The following SNX2 variants were observed in gnomAD, a reference collection of about 807,000 sequenced individuals.
SNX2 encodes the protein sorting nexin-2.
In SNX2, 25 loss-of-function variants were observed where a neutral mutation model predicts 69.9. The observed-to-expected ratio is 0.36, with a 90% CI of 0.26 to 0.50. The LOEUF is 0.50. Ranked by LOEUF, SNX2 falls within the 20% of genes least tolerant of loss-of-function variation. The probability of loss-of-function intolerance (pLI) is 0.97; values close to 1 mark genes in which losing one functional copy is unlikely to be tolerated. For synonymous variants in SNX2, 229 were observed against 200.4 expected (o/e 1.14, Z -1.20); for missense variants, 551 against 613.3 (o/e 0.90, Z 1.07).
chr5:122,793,481 C>G (rs1753291508), intron 1 of SNX2, among the ~76,000 whole-genome samples: 1 of 152,136 alleles, frequency 6.6e-6, no homozygotes, highest in African/African-American at 2.4e-5. Context: ...AGTGGAACTT[C>G]TAGGTTTGAT....
chr5:122,802,007 A>T, intron 4 of SNX2, 72 bp downstream of exon 4: 1 of 1,515,682 alleles, frequency 6.6e-7, no homozygotes, highest in Non-Finnish European at 9.1e-7. Flanking sequence ...TTTTCTTCAT[A>T]CATCAATATA....
rs759124364 is a variant in SNX2, at chr5:122,803,481, T to C, written c.511T>C (p.Ser171Pro). Residue 171 changes from serine (S) to proline (P), a missense_variant, in exon 6 of 15, where the codon TCC becomes CCC. This residue lies in a region of SNX2 where 360 missense variants were observed against 450.4 expected (regional missense o/e 0.80). Transcript: ENST00000379516. ...AYRVTTKTSLSMFSKSEFSVK... is the reference protein window; with the variant it reads ...AYRVTTKTSLPMFSKSEFSVK... ...TCTTCTTCACTTGTAGACATCTCTT[T>C]CCATGTTCAGTAAGAGTGAATTTTC... 6.2e-7 allele frequency: 1 copy of C among 1,608,882 alleles called. No individual in the cohort carries two copies. Among genetic ancestry groups the C allele is most frequent in the East Asian group, 2.2e-5 (1 of 44,768 alleles).
chr5:122,808,657 G>A (rs1753704267), intron 7 of SNX2: 1 of 178,702 alleles, frequency 5.6e-6, no homozygotes, highest in Non-Finnish European at 1.2e-5. Context: ...GAGTTAGCTG[G>A]GGATAGAATT....
At chr5:122,785,871 G>A (rs1272902056) in intron 1 of SNX2, among the ~76,000 whole-genome samples, 2 of 152,156 alleles carry the variant, frequency 1.3e-5, no homozygotes, top group Non-Finnish European at 2.9e-5. Flanking sequence ...TGGGTGGAGT[G>A]TCGTACAAAT....
intron 1 of SNX2, among the ~76,000 whole-genome samples, chr5:122,784,609 A>T (rs2150001115): frequency 6.6e-6 from 1 of 152,056 alleles, no homozygotes; most frequent in African/African-American, 2.4e-5. Flanking sequence ...ACACAATCAT[A>T]ATGTATTTAT....
rs1051801994 is a variant in SNX2, at chr5:122,827,236, A to G, written c.1357-143A>G. The G allele has an allele frequency of 1.1e-5, 7 of 643,556 alleles. No homozygotes were observed. The East Asian group carries it at 1.1e-4, about 10-fold the overall frequency. The allele number at this position is 643,556 out of a possible 1,614,324, so 39.9% of individuals were successfully genotyped here. A position where few individuals can be genotyped will look rare whatever the true frequency, so the allele number is the denominator to read the frequency against. On this transcript the variant is annotated intron_variant, in intron 12 of 14. Transcript: ENST00000379516. The stretch of plus-strand genomic sequence containing the variant: ...TTCTATTGGTTGACAGTTAAATGCA[A>G]TTTCTGTTGATGCTAAATTGTGCAT...
intron 7 of SNX2, among the ~76,000 whole-genome samples, chr5:122,814,463 C>T (rs1017443112): frequency 9.2e-5 from 14 of 152,004 alleles, no homozygotes; most frequent in African/African-American, 2.4e-4. Context: ...TGACTTAAAA[C>T]GAAGTTTAGT....
chr5:122,780,122 T>C (rs1159359540), intron 1 of SNX2, among the ~76,000 whole-genome samples: 2 of 152,194 alleles, frequency 1.3e-5, no homozygotes, highest in East Asian at 1.9e-4. Flanking sequence ...TCAGTGAAGA[T>C]AGCATTAGGC....
At position 122,827,375 on chromosome 5, in the gene SNX2, T is replaced by C. The variant is rs751432317; in HGVS notation, c.1357-4T>C. The C allele has an allele frequency of 6.2e-7, 1 of 1,611,428 alleles. No individual in the cohort carries two copies. The highest frequency in any genetic ancestry group is 8.5e-7 in the Non-Finnish European group (1 of 1,177,908). On this transcript the variant is annotated splice_region_variant and splice_polypyrimidine_tract_variant and intron_variant, in intron 12 of 14. Transcript: ENST00000379516. ...AGCATAAAATATTTCTTTGTTTTTATTAGTGGGAGGCGAAAGTGCAACAAG... is the reference window on the plus strand; with the variant it reads ...AGCATAAAATATTTCTTTGTTTTTACTAGTGGGAGGCGAAAGTGCAACAAG...
rs887252483 is a variant in SNX2, at chr5:122,833,013, T to G, written c.*3365T>G. ...CTGGCTCAGGGACTTTGGAGGCATT[T>G]TCATATCATATTCACTAGTCAAGAA... On this transcript the variant is annotated 3_prime_UTR_variant, in exon 15 of 15. Coordinates refer to ENST00000379516, the MANE Select transcript of SNX2 (RefSeq NM_003100.4). 1.3e-5 allele frequency: 2 copies of G among 152,206 alleles called. No individual in the cohort carries two copies. Among genetic ancestry groups the G allele is most frequent in the African/African-American group, 4.8e-5 (2 of 41,446 alleles). 9.4% of individuals were successfully genotyped at this position (152,206 alleles called of 1,614,324 possible). A position where few individuals can be genotyped will look rare whatever the true frequency, so the allele number is the denominator to read the frequency against.
intron 7 of SNX2, among the ~76,000 whole-genome samples, chr5:122,812,730 T>C (rs1187116311): frequency 1.3e-5 from 2 of 152,214 alleles, no homozygotes; most frequent in Non-Finnish European, 2.9e-5. Flanking sequence ...TCCCTTTTGC[T>C]CACTGATGTG....
At chr5:122,817,224 T>G (rs1382183220) in intron 9 of SNX2, 56 bp from the exon 10 acceptor site, 1 of 1,521,224 alleles carries the variant, frequency 6.6e-7, no homozygotes, top group Non-Finnish European at 9.1e-7. Context: ...ATTGGTAACC[T>G]AATTTACAAT....
chr5:122,792,843 G>A (rs1184031764), intron 1 of SNX2, among the ~76,000 whole-genome samples: 1 of 152,056 alleles, frequency 6.6e-6, no homozygotes, highest in African/African-American at 2.4e-5. Flanking sequence ...TTCACAAAAG[G>A]ATATCTAAAT....
In SNX2 at chr5:122,830,839, T is replaced by C. The variant is rs868116694; in HGVS notation, c.*1191T>C. 6.6e-6 allele frequency among the ~76,000 whole-genome samples: 1 copy of C among 151,828 alleles called. No homozygotes were observed. The highest frequency in any genetic ancestry group is 2.4e-5 in the African/African-American group (1 of 41,328). On this transcript the variant is annotated 3_prime_UTR_variant, in exon 15 of 15. Transcript: ENST00000379516. The stretch of plus-strand genomic sequence containing the variant: ...GCCTGGCCAACATGGTAAAACTCCA[T>C]CTCTACTAAAAATACAAAAATTCGC...
At position 122,832,016 on chromosome 5, in the gene SNX2, TCTC is replaced by T. The variant is rs1754302080; in HGVS notation, c.*2371_*2373del. ...AACACTTCACCCATCAATCTTCACTTCTCCTGTTCAGATAAAAATGCTTTCATC... is the reference window on the plus strand; with the variant it reads ...AACACTTCACCCATCAATCTTCACTTCTGTTCAGATAAAAATGCTTTCATC... On this transcript the variant is annotated 3_prime_UTR_variant, in exon 15 of 15. Coordinates refer to ENST00000379516, the MANE Select transcript of SNX2 (RefSeq NM_003100.4). Among the ~76,000 whole-genome samples, 1 of 152,158 alleles carries T rather than the reference TCTC, an allele frequency of 6.6e-6. No homozygotes were observed.
In SNX2 at chr5:122,833,954, TGTA is replaced by T. The variant is rs1581653681; in HGVS notation, c.*4310_*4312del. ...TGTTCAATATCTACAATAAATGAATTGTAGTACTATATTGCTTGAAGGAAGTTT... is the reference window on the plus strand; with the variant it reads ...TGTTCAATATCTACAATAAATGAATTGTACTATATTGCTTGAAGGAAGTTT... On this transcript the variant is annotated 3_prime_UTR_variant, in exon 15 of 15. Coordinates refer to ENST00000379516, the MANE Select transcript of SNX2 (RefSeq NM_003100.4). The T allele has an allele frequency of 1.3e-5, 2 of 152,320 alleles. No individual in the cohort carries two copies. Among genetic ancestry groups the T allele is most frequent in the East Asian group, 1.9e-4 (1 of 5,196 alleles). 9.4% of individuals were successfully genotyped at this position (152,320 alleles called of 1,614,324 possible). A position where few individuals can be genotyped will look rare whatever the true frequency, so the allele number is the denominator to read the frequency against.
chr5:122,802,425 C>T (rs1396576290), intron 5 of SNX2, among the ~76,000 whole-genome samples: 5 of 152,138 alleles, frequency 3.3e-5, no homozygotes, highest in Non-Finnish European at 7.4e-5. Context: ...TTTGCTTGTG[C>T]AAAAGCCAAA....
At chr5:122,776,052 T>C (rs115761609) in intron 1 of SNX2, among the ~76,000 whole-genome samples, 1,552 of 152,304 alleles carry the variant, frequency 0.01, 37 homozygotes, top group African/African-American at 0.035. Flanking sequence ...TCCATTTGAA[T>C]TGCTTTGCGT....
chr5:122,778,556 T>C lies in SNX2; in HGVS notation c.108+3345T>C, dbSNP rs369921249. On this transcript the variant is annotated intron_variant, in intron 1 of 14. Transcript: ENST00000379516. The stretch of plus-strand genomic sequence containing the variant: ...CAGAGTCTCGCTCTGTCACCCAGGG[T>C]GGAGTGCAGTGGTTTGATCTTGGCT... Among the ~76,000 whole-genome samples, 10 of 152,258 alleles carry C rather than the reference T, an allele frequency of 6.6e-5. No homozygotes were observed. In the East Asian group the frequency reaches 1.4e-3, roughly 21 times the overall value.
Sources: allele counts gnomAD v4.1 joint callset (sites outside exome capture counted in the v4.1 genomes callset), GRCh38; gene constraint gnomAD v4.1.1; regional missense constraint gnomAD v4.1.1; transcripts MANE v1.5; gene names NCBI Gene and HGNC (gene_info 2026-07-23, HGNC 2026-07-21).